Variants in INTS7 observed in about 807,000 individuals in gnomAD.
INTS7 encodes the protein integrator complex subunit 7.
A neutral mutation model predicts 109.2 loss-of-function variants in INTS7; 46 were observed. That is an observed-to-expected ratio of 0.42 (90% CI 0.33 to 0.54). INTS7 has a LOEUF of 0.54. INTS7 is among the 20% of genes least tolerant of loss of function. The pLI is 0.07. For synonymous variants in INTS7, 412 were observed against 402.9 expected, an observed-to-expected ratio of 1.02 and a Z score of -0.27; for missense variants, 929 against 1,132.4, an observed-to-expected ratio of 0.82 and a Z score of 2.58.
At chr1:212,008,456 C>T (rs961767656) in intron 5 of INTS7, among the ~76,000 whole-genome samples, 6 of 152,112 alleles carry the variant, frequency 3.9e-5, no homozygotes, top group Admixed American at 1.3e-4. Flanking sequence ...TGTCTGTCTA[C>T]GCTTTAATTT....
At chr1:211,996,753 A>G (rs1330595061) in intron 7 of INTS7, among the ~76,000 whole-genome samples, 1 of 152,190 alleles carries the variant, frequency 6.6e-6, no homozygotes, top group African/African-American at 2.4e-5. Flanking sequence ...GGCCTGGCGC[A>G]GTGGTACACG....
At chr1:211,978,563 G>A in intron 10 of INTS7, 52 bp from the exon 11 acceptor site, 1 of 1,604,778 alleles carries the variant, frequency 6.2e-7, no homozygotes, top group Non-Finnish European at 8.5e-7. Context: ...TACAGATGAA[G>A]CTTTAAGGAA....
intron 10 of INTS7, 28 bp from the exon 11 acceptor site, chr1:211,978,539 T>C (rs1304743192): frequency 6.2e-7 from 1 of 1,612,966 alleles, no homozygotes; most frequent in Non-Finnish European, 8.5e-7. Flanking sequence ...AATGAACTAG[T>C]TACATTTTGA....
intron 1 of INTS7, among the ~76,000 whole-genome samples, chr1:212,026,968 A>G (rs970907357): frequency 1.3e-5 from 2 of 152,264 alleles, no homozygotes; most frequent in African/African-American, 2.4e-5. Flanking sequence ...ATTATTTTGA[A>G]TGAAGCGAGA....
chr1:211,978,228 C>G lies in INTS7; in HGVS notation c.1470+44G>C, dbSNP rs370914890. The G allele has an allele frequency of 7.5e-6, 12 of 1,608,056 alleles. No individual in the cohort carries two copies. In the African/African-American group the frequency reaches 1.5e-4, roughly 20 times the overall value. On this transcript the variant is annotated intron_variant, in intron 11 of 19. Transcript: ENST00000366994. ...TGACTTAAAAGTAATTCCCACTAGA[C>G]CAGATCCTAGTCATTCAAAGGAGAT...
chr1:211,993,875 G>C (rs1461859262), intron 7 of INTS7, among the ~76,000 whole-genome samples: 1 of 152,054 alleles, frequency 6.6e-6, no homozygotes, highest in African/African-American at 2.4e-5. Flanking sequence ...CTTGGACCTT[G>C]ATTTAGGCCC....
At chr1:211,988,658 G>A (rs1665009272) in intron 7 of INTS7, among the ~76,000 whole-genome samples, 1 of 152,108 alleles carries the variant, frequency 6.6e-6, no homozygotes. Flanking sequence ...GGAAATGGTG[G>A]GGGAATGTGG....
At chr1:211,964,336 G>T (rs1037758288) in intron 16 of INTS7, among the ~76,000 whole-genome samples, 3 of 152,064 alleles carry the variant, frequency 2.0e-5, no homozygotes, top group Admixed American at 6.5e-5. Context: ...CAAACAAACG[G>T]AAAAACATTC....
At chr1:211,951,949 G>A (rs1663113746) in intron 17 of INTS7, among the ~76,000 whole-genome samples, 1 of 152,234 alleles carries the variant, frequency 6.6e-6, no homozygotes, top group Non-Finnish European at 1.5e-5. Context: ...TGAGTGCTCT[G>A]AGAACTTCTT....
chr1:212,011,904 T>A (rs1411876764), intron 4 of INTS7, among the ~76,000 whole-genome samples: 1 of 152,164 alleles, frequency 6.6e-6, no homozygotes, highest in African/African-American at 2.4e-5. Context: ...AGACTGCAGG[T>A]TTTTTGTGTG....
chr1:211,952,747 T>G, intron 16 of INTS7, 46 bp from the exon 17 acceptor site: 1 of 1,486,180 alleles, frequency 6.7e-7, no homozygotes, highest in South Asian at 1.2e-5. Context: ...ATAGCATGGC[T>G]ATTTAATGCC....
chr1:211,966,199 T>G (rs1663870312), intron 16 of INTS7: 1 of 315,578 alleles, frequency 3.2e-6, no homozygotes, highest in Non-Finnish European at 5.8e-6. Flanking sequence ...ATTGCTCATA[T>G]TCAAAGAATG....
In INTS7 at chr1:211,959,627, G is replaced by A. The variant is rs1042509269; in HGVS notation, c.2183+6803C>T. On this transcript the variant is annotated intron_variant, in intron 16 of 19. Transcript: ENST00000366994. The surrounding 1 kb of genome is among the most constrained non-coding windows in gnomAD (Gnocchi z 4.2). ...ACCTTGCCCTGCCACTGCTGCTGGT[G>A]CATTCTGCCCCCATTACCCCCGCAT... Among the ~76,000 whole-genome samples the A allele has an allele frequency of 6.6e-6, 1 of 152,096 alleles. No individual in the cohort carries two copies. The highest frequency in any genetic ancestry group is 2.4e-5 in the African/African-American group (1 of 41,398).
At chr1:211,969,517 A>ACTG (rs941612627) in intron 13 of INTS7, among the ~76,000 whole-genome samples, 22 of 146,432 alleles carry the variant, frequency 1.5e-4, no homozygotes, top group African/African-American at 4.8e-4. Flanking sequence ...ACCCTCTTCC[A>ACTG]CTGCTAGCCC....
intron 4 of INTS7, among the ~76,000 whole-genome samples, chr1:212,014,792 G>A (rs1426090190): frequency 3.9e-5 from 6 of 152,180 alleles, no homozygotes; most frequent in Admixed American, 2.6e-4. Context: ...TGATCTGCCC[G>A]CCTGGGCCTC....
intron 1 of INTS7, among the ~76,000 whole-genome samples, chr1:212,025,855 T>TA (rs201328799): frequency 0.028 from 4,243 of 151,930 alleles, 154 homozygotes; most frequent in East Asian, 0.13. Context: ...TGATTATTCT[T>TA]AAAAAAAACA....
intron 16 of INTS7, among the ~76,000 whole-genome samples, chr1:211,962,526 A>G (rs1558028150): frequency 6.6e-6 from 1 of 152,200 alleles, no homozygotes; most frequent in Non-Finnish European, 1.5e-5. Context: ...GATCAAATGG[A>G]CCTGATAGAC....
chr1:211,991,365 C>T (rs1009274345), intron 7 of INTS7, among the ~76,000 whole-genome samples: 9 of 152,156 alleles, frequency 5.9e-5, no homozygotes, highest in Non-Finnish European at 1.0e-4. Flanking sequence ...TGAGTCTCAA[C>T]TTCTTTGTCT....
intron 7 of INTS7, among the ~76,000 whole-genome samples, chr1:211,998,977 A>G (rs533340724): frequency 9.8e-5 from 15 of 152,334 alleles, no homozygotes; most frequent in African/African-American, 3.6e-4. Context: ...TTACAAAACC[A>G]TACAACACAA....
Sources: allele counts gnomAD v4.1 joint callset (sites outside exome capture counted in the v4.1 genomes callset), GRCh38; gene constraint gnomAD v4.1.1; non-coding constraint Gnocchi (gnomAD v3.1); transcripts MANE v1.5; gene names NCBI Gene and HGNC (gene_info 2026-07-23, HGNC 2026-07-21).